The following TRIM58 variants were observed in gnomAD, a reference collection of about 807,000 sequenced individuals.
TRIM58 encodes E3 ubiquitin-protein ligase TRIM58.
Under a neutral mutation model 34.1 loss-of-function variants are expected in TRIM58, and 38 were observed. The observed-to-expected ratio is 1.12, with a 90% CI of 0.86 to 1.46. The LOEUF (loss-of-function observed/expected upper bound fraction) is 1.46, where lower values mean the gene tolerates loss of function less well. Among genes scored for constraint, TRIM58 ranks in the 40% most tolerant of loss-of-function variants. The pLI, the probability that TRIM58 is intolerant of heterozygous loss-of-function variation, is 0.00. For missense variants in TRIM58, 677 were observed against 642.0 expected, an observed-to-expected ratio of 1.05 and a Z score of -0.59; for synonymous variants, 273 against 275.7, an observed-to-expected ratio of 0.99 and a Z score of 0.10.
intron 5 of TRIM58, among the ~76,000 whole-genome samples, chr1:247,869,406 G>A (rs892682766): frequency 2.0e-5 from 3 of 152,150 alleles, no homozygotes; most frequent in Non-Finnish European, 4.4e-5. Context: ...GGCTTTCTGG[G>A]TAATCACCAA....
chr1:247,867,810 G>T (rs1203801143), intron 3 of TRIM58, 35 bp from the exon 4 acceptor site: 1 of 1,614,030 alleles, frequency 6.2e-7, no homozygotes, highest in African/African-American at 1.3e-5. Context: ...GCAGTTCAGA[G>T]TCCAACTCAC....
chr1:247,867,778 G>T, intron 3 of TRIM58, 67 bp from the exon 4 acceptor site: 2 of 1,587,188 alleles, frequency 1.3e-6, no homozygotes, highest in Non-Finnish European at 1.7e-6. Flanking sequence ...TTTTTATGGG[G>T]TCTTCAGTCT....
chr1:247,876,220 C>G lies in TRIM58; in HGVS notation c.1192C>G (p.Pro398Ala). 1 of 1,614,222 alleles carries G rather than the reference C, an allele frequency of 6.2e-7. No individual in the cohort carries two copies. The highest frequency in any genetic ancestry group is 1.3e-5 in the African/African-American group (1 of 75,054). ...KGNEYMVLASPSVPLLQLESP... is the reference protein window; with the variant it reads ...KGNEYMVLASASVPLLQLESP... ...GAATGAGTACATGGTCCTTGCCTCC[C>G]CATCAGTGCCTCTTCTCCAACTGGA... The change falls in exon 6 of 6, where the codon CCA (proline) becomes GCA (alanine). Residue 398 changes from proline to alanine, a missense_variant. Coordinates refer to ENST00000366481, the MANE Select transcript of TRIM58 (RefSeq NM_015431.4).
chr1:247,866,285 T>TC (rs1156510483), intron 3 of TRIM58, among the ~76,000 whole-genome samples: 1 of 152,106 alleles, frequency 6.6e-6, no homozygotes, highest in Non-Finnish European at 1.5e-5. Context: ...CAAGCGATTC[T>TC]CCTGCCTCAG....
rs1388981843 is a variant in TRIM58, at chr1:247,878,865, G to GT, written c.*2377dup. 6.6e-6 allele frequency among the ~76,000 whole-genome samples: 1 copy of GT among 152,196 alleles called. No individual in the cohort carries two copies. Among genetic ancestry groups the GT allele is most frequent in the Non-Finnish European group, 1.5e-5 (1 of 68,030 alleles). On this transcript the variant is annotated 3_prime_UTR_variant, in exon 6 of 6. Coordinates refer to ENST00000366481, the MANE Select transcript of TRIM58 (RefSeq NM_015431.4). ...GGTTTATATCAGTCAGTAAACCAAT[G>GT]TGAGTCTTCATCTCTTGCATTCTTA... is the stretch of plus-strand genomic sequence containing the variant.
Position 247,880,057 on chromosome 1 carries a change from C to T in TRIM58, c.*3568C>T, listed in dbSNP as rs1390529079. Among the ~76,000 whole-genome samples the T allele has an allele frequency of 6.6e-6, 1 of 152,044 alleles. No homozygotes were observed. Among genetic ancestry groups the T allele is most frequent in the Non-Finnish European group, 1.5e-5 (1 of 68,024 alleles). On this transcript the variant is annotated 3_prime_UTR_variant, in exon 6 of 6. Coordinates refer to ENST00000366481, the MANE Select transcript of TRIM58 (RefSeq NM_015431.4). ...TGATACATTCAATGTTTCTCAAGCA[C>T]CCCCAATGCTGGTTTGTATGTGGTT...
chr1:247,866,717 C>A, intron 3 of TRIM58, among the ~76,000 whole-genome samples: 1 of 152,190 alleles, frequency 6.6e-6, no homozygotes, highest in Non-Finnish European at 1.5e-5. Flanking sequence ...ATCCTTGTGC[C>A]TCAGCCTCCC....
intron 5 of TRIM58, among the ~76,000 whole-genome samples, chr1:247,872,561 T>C (rs180673134): frequency 9.2e-5 from 14 of 152,314 alleles, no homozygotes; most frequent in Admixed American, 2.6e-4. Context: ...TATGTGGATG[T>C]TGCGATGAGT....
chr1:247,872,988 T>C (rs1004066018), intron 5 of TRIM58, among the ~76,000 whole-genome samples: 2 of 152,070 alleles, frequency 1.3e-5, no homozygotes, highest in Non-Finnish European at 2.9e-5. Context: ...CCCTGCACTT[T>C]GGGAGGCCGA....
rs10578618 is a variant in TRIM58 at position 247,878,164 on chromosome 1, AAAATAAATAAATAAATAAATAAAT to A, written c.*1697_*1720del. ...GGCAACAGAGCAAGACTCCATCTCA[AAAATAAATAAATAAATAAATAAAT>A]AAATAAATAAATAAATAAATATTAC... On this transcript the variant is annotated 3_prime_UTR_variant, in exon 6 of 6. Transcript: ENST00000366481. 3 of 144,306 alleles carry A rather than the reference AAAATAAATAAATAAATAAATAAAT, an allele frequency of 2.1e-5. No individual in the cohort carries two copies. Among genetic ancestry groups the A allele is most frequent in the African/African-American group, 7.6e-5 (3 of 39,460 alleles). 8.9% of individuals were successfully genotyped at this position (144,306 alleles called of 1,614,324 possible).
In TRIM58 at chr1:247,879,398, A is replaced by C. The variant is rs1572583301; in HGVS notation, c.*2909A>C. On this transcript the variant is annotated 3_prime_UTR_variant, in exon 6 of 6. Transcript: ENST00000366481. ...TGGATTATGACTTTCGTTTCCTCAC[A>C]GTGGTCCTGCTTGGGCTCTAGGCCC... Among the ~76,000 whole-genome samples, 3 of 152,130 alleles carry C rather than the reference A, an allele frequency of 2.0e-5. No homozygotes were observed. Among genetic ancestry groups the C allele is most frequent in the Admixed American group, 2.0e-4 (3 of 15,272 alleles).
chr1:247,872,698 A>G (rs1659168076), intron 5 of TRIM58, among the ~76,000 whole-genome samples: 1 of 152,216 alleles, frequency 6.6e-6, no homozygotes, highest in Non-Finnish European at 1.5e-5. Context: ...TTATCAAAGC[A>G]ATGAACCAGC....
chr1:247,873,117 C>G (rs1415570364), intron 5 of TRIM58, among the ~76,000 whole-genome samples: 2 of 152,078 alleles, frequency 1.3e-5, no homozygotes, highest in Admixed American at 6.5e-5. Context: ...GTAATCCCAG[C>G]TACTCGGGAG....
At chr1:247,859,369 G>T (rs899747939) in intron 1 of TRIM58, among the ~76,000 whole-genome samples, 4 of 152,082 alleles carry the variant, frequency 2.6e-5, no homozygotes, top group African/African-American at 9.7e-5. Context: ...TCCCCACTGA[G>T]TCAAATGGTA....
At chr1:247,861,458 C>T (rs1663791487) in intron 2 of TRIM58, among the ~76,000 whole-genome samples, 1 of 152,094 alleles carries the variant, frequency 6.6e-6, no homozygotes, top group Non-Finnish European at 1.5e-5. Context: ...AGGACAGTTC[C>T]CATATCTTGT....
rs1659334843 is a variant in TRIM58 at position 247,878,238 on chromosome 1, T to C, written c.*1749T>C. On this transcript the variant is annotated 3_prime_UTR_variant, in exon 6 of 6. Transcript: ENST00000366481. The stretch of plus-strand genomic sequence containing the variant: ...CACAAATGCTAAAATGTTTAAATGG[T>C]AAATGCTTCAATGCTAACCAAATAT... The C allele has an allele frequency of 6.6e-6, 1 of 152,186 alleles. No homozygotes were observed. 9.4% of individuals were successfully genotyped at this position (152,186 alleles called of 1,614,324 possible). A position where few individuals can be genotyped will look rare whatever the true frequency, so the allele number is the denominator to read the frequency against.
chr1:247,860,496 T>A (rs893280101), intron 1 of TRIM58, 121 bp from the exon 2 acceptor site: 23 of 633,088 alleles, frequency 3.6e-5, no homozygotes, highest in Non-Finnish European at 2.8e-6. Flanking sequence ...TTTAATGATA[T>A]TGAACATTTT....
chr1:247,857,258 G>A lies in TRIM58; in HGVS notation c.12G>A (p.Ala4=), dbSNP rs1297974447. 2.3e-6 allele frequency: 3 copies of A among 1,326,046 alleles called. No individual in the cohort carries two copies. The highest frequency in any genetic ancestry group is 6.2e-5 in the East Asian group (2 of 32,486). 82.1% of individuals were successfully genotyped at this position (1,326,046 alleles called of 1,614,324 possible). A position where few individuals can be genotyped will look rare whatever the true frequency, so the allele number is the denominator to read the frequency against. The stretch of plus-strand genomic sequence containing the variant: ...CCGGGAGGCGGGTCATGGCCTGGGC[G>A]CCGCCCGGGGAGCGGCTGCGCGAGG... MAW[A]PPGERLREDA... is the part of the protein sequence containing the mutation. Residue 4 remains alanine (A), a synonymous_variant, in exon 1 of 6, where the codon GCG becomes GCA. Transcript: ENST00000366481.
At chr1:247,865,023 G>GT in intron 3 of TRIM58, 88 bp downstream of exon 3, 2 of 1,261,976 alleles carry the variant, frequency 1.6e-6, no homozygotes, top group African/African-American at 1.5e-5. Flanking sequence ...ACACTTTGGC[G>GT]TTTATGTTCT....
Sources: gnomAD v4.1 joint callset for allele counts (sites outside exome capture counted in the v4.1 genomes callset) on GRCh38, gnomAD v4.1.1 for gene constraint, MANE v1.5 for transcripts, NCBI Gene and HGNC (gene_info 2026-07-23, HGNC 2026-07-21) for gene names.